FKBP1B: variants seen among roughly 807,000 people sequenced by gnomAD.
FKBP1B encodes peptidyl-prolyl cis-trans isomerase FKBP1B.
Under a neutral mutation model 13.5 loss-of-function variants are expected in FKBP1B, and 4 were observed. That is an observed-to-expected ratio of 0.30 (90% CI 0.15 to 0.68). The LOEUF is 0.68. FKBP1B is among the 30% of genes least tolerant of loss of function. The pLI, the probability that FKBP1B is intolerant of heterozygous loss-of-function variation, is 0.76. For missense variants in FKBP1B, 93 were observed against 136.2 expected, an observed-to-expected ratio of 0.68 and a Z score of 1.58; for synonymous variants, 54 against 53.6, an observed-to-expected ratio of 1.01 and a Z score of -0.03.
the FKBP1B span, among the ~76,000 whole-genome samples, chr2:24,036,065 A>AAAATAAATAAATAAAT: frequency 2.0e-3 from 283 of 140,406 alleles, 1 homozygote; most frequent in South Asian, 0.011. Context: ...CTCCGTCTCA[A>AAAATAAATAAATAAAT]AAATAAATAA....
At chr2:24,036,202 C>G in the FKBP1B span, among the ~76,000 whole-genome samples, 1 of 151,714 alleles carries the variant, frequency 6.6e-6, no homozygotes, top group Admixed American at 6.6e-5. Flanking sequence ...CAAAAATCCT[C>G]TTTAAAAAAA....
chr2:24,046,200 A>G (rs1663621032), upstream of FKBP1B, among the ~76,000 whole-genome samples: 1 of 152,190 alleles, frequency 6.6e-6, no homozygotes, highest in Non-Finnish European at 1.5e-5. Context: ...AGATGTCTAC[A>G]TGGTACCAAT....
upstream of FKBP1B, chr2:24,049,636 C>G: frequency 8.0e-6 from 3 of 375,976 alleles, no homozygotes; most frequent in Non-Finnish European, 9.4e-6. Flanking sequence ...CCCCGGGCCC[C>G]GCCCCGGCCG....
intron 2 of FKBP1B, among the ~76,000 whole-genome samples, chr2:24,055,830 G>T (rs1343375857): frequency 6.6e-6 from 1 of 152,136 alleles, no homozygotes; most frequent in Non-Finnish European, 1.5e-5. Flanking sequence ...TTTCTGTTGG[G>T]TATATACCTG....
At chr2:24,045,641 G>GGAAGGAAGGAAGGAAA, upstream of FKBP1B, among the ~76,000 whole-genome samples, 1 of 141,602 alleles carries the variant, frequency 7.1e-6, no homozygotes, top group African/African-American at 2.6e-5. Flanking sequence ...GAGGAAGGAA[G>GGAAGGAAGGAAGGAAA]GAAGGAAGGA....
chr2:24,053,789 C>A, intron 1 of FKBP1B, 113 bp from the exon 2 acceptor site: 1 of 1,009,728 alleles, frequency 9.9e-7, no homozygotes, highest in Non-Finnish European at 1.6e-6. Flanking sequence ...CCACAGGCAT[C>A]TCCATGGCAT....
At chr2:24,052,436 G>A (rs10185680) in intron 1 of FKBP1B, among the ~76,000 whole-genome samples, 69,894 of 151,818 alleles carry the variant, frequency 0.46, 16,791 homozygotes, top group African/African-American at 0.56. Context: ...CTGCAAATGT[G>A]TTGATTCTGT....
chr2:24,037,895 T>C, the FKBP1B span: 111 of 1,614,062 alleles, frequency 6.9e-5, 1 homozygote, highest in South Asian at 1.1e-3. Flanking sequence ...AGTGTGCTGG[T>C]GTGGTCTGGT....
chr2:24,041,055 T>C, the FKBP1B span, among the ~76,000 whole-genome samples: 1 of 150,168 alleles, frequency 6.7e-6, no homozygotes, highest in South Asian at 2.1e-4. Context: ...AGTACATGCT[T>C]AGGCTGGGCA....
At chr2:24,061,056 A>G (rs530834561) in intron 3 of FKBP1B, 130 bp downstream of exon 3, 1 of 671,678 alleles carries the variant, frequency 1.5e-6, no homozygotes, top group East Asian at 2.9e-5. Flanking sequence ...GGGCATGGCA[A>G]CGCCATCTGG....
chr2:24,039,291 A>T, the FKBP1B span: 1 of 1,614,242 alleles, frequency 6.2e-7, no homozygotes, highest in East Asian at 2.2e-5. Context: ...CATCTGCAAC[A>T]GGTGGGGCCC....
Position 24,050,329 on chromosome 2 carries a change from C to T in FKBP1B, c.37+443C>T, listed in dbSNP as rs1241769851. On this transcript the variant is annotated intron_variant, in intron 1 of 3. Coordinates refer to ENST00000380986, the MANE Select transcript of FKBP1B (RefSeq NM_004116.5). The surrounding 1 kb of genome is among the most constrained non-coding windows in gnomAD (Gnocchi z 5.8). ...CCTAGCGCGTCCCCCGCCGGGCCTC[C>T]CCTCGGTCGCTTCCCTGCGGGCCGG... 2.6e-5 allele frequency among the ~76,000 whole-genome samples: 4 copies of T among 152,210 alleles called. No homozygotes were observed. The South Asian group carries it at 6.2e-4, about 24-fold the overall frequency.
chr2:24,047,684 G>C (rs1302191068), upstream of FKBP1B, among the ~76,000 whole-genome samples: 1 of 152,152 alleles, frequency 6.6e-6, no homozygotes, highest in Non-Finnish European at 1.5e-5. Context: ...CGGTTCTCTT[G>C]TCTAAGGAGT....
the FKBP1B span, among the ~76,000 whole-genome samples, chr2:24,034,563 G>T: frequency 1.4e-5 from 2 of 144,454 alleles, no homozygotes; most frequent in Non-Finnish European, 3.0e-5. Flanking sequence ...GGAATTGAAA[G>T]GGCAACAAAA....
upstream of FKBP1B, among the ~76,000 whole-genome samples, chr2:24,046,555 T>C (rs553639440): frequency 1.3e-4 from 20 of 152,340 alleles, no homozygotes; most frequent in African/African-American, 4.6e-4. Context: ...GTTTTTCATC[T>C]TCTTTAAAGA....
intron 2 of FKBP1B, chr2:24,054,169 G>A (rs1276684886): frequency 2.8e-6 from 2 of 705,946 alleles, no homozygotes; most frequent in Admixed American, 2.1e-5. Flanking sequence ...ACCAGCAAGG[G>A]CCATCCATGG....
At chr2:24,038,392 GAGT>G in the FKBP1B span, 1 of 1,614,182 alleles carries the variant, frequency 6.2e-7, no homozygotes, top group Non-Finnish European at 8.5e-7. Context: ...TGGAATGACA[GAGT>G]AGATCAAAAT....
At chr2:24,038,507 T>C in the FKBP1B span, 9 of 1,614,246 alleles carry the variant, frequency 5.6e-6, no homozygotes, top group Middle Eastern at 1.6e-4. Flanking sequence ...TTTCTCGTCA[T>C]GGTAACTGCC....
At chr2:24,044,830 A>T (rs1415178503), upstream of FKBP1B, among the ~76,000 whole-genome samples, 6 of 150,812 alleles carry the variant, frequency 4.0e-5, no homozygotes, top group Non-Finnish European at 7.4e-5. Flanking sequence ...AAAAAAAAAA[A>T]AAAAAAAAAA....
Sources: allele counts gnomAD v4.1 joint callset (sites outside exome capture counted in the v4.1 genomes callset), GRCh38; gene constraint gnomAD v4.1.1; non-coding constraint Gnocchi (gnomAD v3.1); transcripts MANE v1.5; gene names NCBI Gene and HGNC (gene_info 2026-07-23, HGNC 2026-07-21).